ERN1: variants seen among roughly 807,000 people sequenced by gnomAD.
ERN1 encodes the protein endoplasmic reticulum to nucleus signaling 1.
ERN1 carries 39 observed loss-of-function variants against 113.1 expected under a neutral mutation model. That is an observed-to-expected ratio of 0.34 (90% confidence interval 0.27 to 0.45). ERN1 has a LOEUF of 0.45. ERN1 is among the 20% of genes least tolerant of loss of function. The probability of loss-of-function intolerance (pLI) is 1.00; values close to 1 mark genes in which losing one functional copy is unlikely to be tolerated. For missense variants in ERN1, 976 were observed against 1,274.8 expected (o/e 0.77, Z 3.57); for synonymous variants, 507 against 515.9 (o/e 0.98, Z 0.23).
At chr17:64,108,270 T>C (rs1213610997) in intron 1 of ERN1, among the ~76,000 whole-genome samples, 1 of 152,038 alleles carries the variant, frequency 6.6e-6, no homozygotes, top group African/African-American at 2.4e-5. Flanking sequence ...GCTAATTTCA[T>C]AATAGGTGAA....
rs1287613077 is a variant in ERN1 at position 64,071,110 on chromosome 17, G to C, written c.478+871C>G. On this transcript the variant is annotated intron_variant, in intron 6 of 21. Transcript: ENST00000433197. Reference sequence around the variant, plus strand: ...GGGAGGAAACACAAAATGGTGCGGTGAAGAGGGTGCAAGCCATGCCTGTCA... The same window carrying C: ...GGGAGGAAACACAAAATGGTGCGGTCAAGAGGGTGCAAGCCATGCCTGTCA... Among the ~76,000 whole-genome samples, 7 of 152,336 alleles carry C rather than the reference G, an allele frequency of 4.6e-5. No individual in the cohort carries two copies. In the East Asian group the frequency reaches 1.4e-3, roughly 29 times the overall value.
At position 64,055,757 on chromosome 17, in the gene ERN1, G is replaced by A. The variant is rs370744794; in HGVS notation, c.1590C>T (p.Pro530=). 556 of 1,610,544 alleles carry A rather than the reference G, an allele frequency of 3.5e-4. No homozygotes were observed. Among genetic ancestry groups the A allele is most frequent in the Non-Finnish European group, 4.4e-4 (521 of 1,178,802 alleles). ...SSGTSSPSTS[P]RASNHSLCSG... is the part of the protein sequence containing the mutation. ...AGCAGAGCGAGTGGTTGGAGGCCCT[G>A]GGGGACGTGCTGGGGCTGCTGGTGC... The change falls in exon 13 of 22, where the codon CCC becomes CCT. Residue 530 remains proline (P), a synonymous_variant. Coordinates refer to ENST00000433197, the MANE Select transcript of ERN1 (RefSeq NM_001433.5).
At position 64,071,840 on chromosome 17, in the gene ERN1, G is replaced by A; in HGVS notation, c.478+141C>T. 4.7e-6 allele frequency: 4 copies of A among 849,578 alleles called. No individual in the cohort carries two copies. The South Asian group carries it at 5.1e-5, about 11-fold the overall frequency. The allele number at this position is 849,578 out of a possible 1,614,324, so 52.6% of individuals were successfully genotyped here. A position where few individuals can be genotyped will look rare whatever the true frequency, so the allele number is the denominator to read the frequency against. On this transcript the variant is annotated intron_variant, in intron 6 of 21. Coordinates refer to ENST00000433197, the MANE Select transcript of ERN1 (RefSeq NM_001433.5). ...TTGCACACTGGGGGGACACTGAAGGGTCTTATAAAGGAAAATGACATGATG... is the reference window on the plus strand; with the variant it reads ...TTGCACACTGGGGGGACACTGAAGGATCTTATAAAGGAAAATGACATGATG...
chr17:64,092,256 G>A (rs961406171), intron 2 of ERN1, among the ~76,000 whole-genome samples: 1 of 152,238 alleles, frequency 6.6e-6, no homozygotes, highest in East Asian at 1.9e-4. Context: ...GGCATCAAGG[G>A]GGAAGTAGCA....
chr17:64,105,063 C>A (rs1394696984), intron 1 of ERN1, among the ~76,000 whole-genome samples: 2 of 152,186 alleles, frequency 1.3e-5, no homozygotes, highest in African/African-American at 4.8e-5. Context: ...GAGTCACACA[C>A]TTCTCAGGTG....
At chr17:64,124,102 T>C (rs1410736723) in intron 1 of ERN1, among the ~76,000 whole-genome samples, 4 of 152,056 alleles carry the variant, frequency 2.6e-5, no homozygotes, top group Non-Finnish European at 5.9e-5. Context: ...TAATAACGAG[T>C]ATCAGTGAGG....
chr17:64,114,384 T>C (rs1914751711), intron 1 of ERN1, among the ~76,000 whole-genome samples: 1 of 152,222 alleles, frequency 6.6e-6, no homozygotes, highest in South Asian at 2.1e-4. Context: ...GGTCTTGTGA[T>C]GGTGGGGGAA....
Position 64,055,926 on chromosome 17 carries a change from A to AGCT in ERN1, c.1418_1420dup (p.Gln473dup), listed in dbSNP as rs1567863651. 1 of 1,547,428 alleles carries AGCT rather than the reference A, an allele frequency of 6.5e-7. No individual in the cohort carries two copies. Among genetic ancestry groups the AGCT allele is most frequent in the African/African-American group, 1.4e-5 (1 of 72,996 alleles). On this transcript the variant is annotated inframe_insertion, in exon 13 of 22. Coordinates refer to ENST00000433197, the MANE Select transcript of ERN1 (RefSeq NM_001433.5). ...TTCCTTCTGGAACTGCTGGTGCTGG[A>AGCT]GCTGCTGCTGCTGATGCATGCTCTG...
chr17:64,053,584 A>G (rs951121474), intron 15 of ERN1, among the ~76,000 whole-genome samples: 2 of 152,228 alleles, frequency 1.3e-5, no homozygotes, highest in Non-Finnish European at 1.5e-5. Flanking sequence ...TCATTGCCTC[A>G]TATAAGTAAA....
chr17:64,078,855 A>G (rs1913679781), intron 4 of ERN1, among the ~76,000 whole-genome samples: 1 of 152,008 alleles, frequency 6.6e-6, no homozygotes, highest in South Asian at 2.1e-4. Flanking sequence ...AAATACAAAA[A>G]ATTAGCTGGG....
In ERN1 at chr17:64,079,105, G is replaced by A. The variant is rs565804093; in HGVS notation, c.282+557C>T. Among the ~76,000 whole-genome samples, 3 of 152,164 alleles carry A rather than the reference G, an allele frequency of 2.0e-5. No individual in the cohort carries two copies. The South Asian group carries it at 6.3e-4, about 32-fold the overall frequency. ...GCCTGTTTCTAAATTCTCTTATCTGGGGAGCTTTTAAAAAGTCCTGATGAC... is the reference window on the plus strand; with the variant it reads ...GCCTGTTTCTAAATTCTCTTATCTGAGGAGCTTTTAAAAAGTCCTGATGAC... On this transcript the variant is annotated intron_variant, in intron 4 of 21. Coordinates refer to ENST00000433197, the MANE Select transcript of ERN1 (RefSeq NM_001433.5).
At chr17:64,068,671 T>C (rs1023901277) in intron 6 of ERN1, among the ~76,000 whole-genome samples, 1 of 152,078 alleles carries the variant, frequency 6.6e-6, no homozygotes. Context: ...ACCTAAAACA[T>C]GTGGCATTGA....
chr17:64,075,187 T>C lies in ERN1; in HGVS notation c.343A>G (p.Ile115Val), dbSNP rs1326225864. 1.3e-6 allele frequency: 2 copies of C among 1,541,666 alleles called. No individual in the cohort carries two copies. Among genetic ancestry groups the C allele is most frequent in the South Asian group, 2.4e-5 (2 of 82,968 alleles). The change falls in exon 5 of 22, where the codon ATC (isoleucine) becomes GTC (valine). Residue 115 changes from isoleucine (I) to valine (V), a missense_variant. Physicochemically the swap from Ile to Val is conservative, Grantham distance 29. Transcript: ENST00000433197. ...QASPCRSSDGILYMGKKQDIW... is the reference protein window; with the variant it reads ...QASPCRSSDGVLYMGKKQDIW... Reference sequence around the variant, plus strand: ...CAGGAACTCTTACCCATGTAGAGGATTCCATCTGAACTTCGGCATGGGGAT... The same window carrying C: ...CAGGAACTCTTACCCATGTAGAGGACTCCATCTGAACTTCGGCATGGGGAT...
chr17:64,094,000 G>A (rs1479530659), intron 2 of ERN1, among the ~76,000 whole-genome samples: 1 of 152,218 alleles, frequency 6.6e-6, no homozygotes, highest in Non-Finnish European at 1.5e-5. Flanking sequence ...AGGGATGCTA[G>A]CGGTCCTGTA....
At chr17:64,062,954 C>T (rs1212562037) in intron 10 of ERN1, among the ~76,000 whole-genome samples, 1 of 151,878 alleles carries the variant, frequency 6.6e-6, no homozygotes, top group African/African-American at 2.4e-5. Context: ...ACCTGGTTTC[C>T]CCCCATAATA....
intron 18 of ERN1, among the ~76,000 whole-genome samples, chr17:64,048,782 A>G (rs1912590852): frequency 7.1e-6 from 1 of 140,886 alleles, no homozygotes; most frequent in South Asian, 2.6e-4. Context: ...GTAGAAAAAG[A>G]AGGTCTCCAA....
intron 4 of ERN1, among the ~76,000 whole-genome samples, chr17:64,077,128 T>C (rs937586669): frequency 2.0e-5 from 3 of 152,120 alleles, no homozygotes; most frequent in African/African-American, 7.2e-5. Context: ...GAAGGTGAAA[T>C]ACACACAGCT....
chr17:64,044,621 A>G lies in ERN1; in HGVS notation c.2721+239T>C, dbSNP rs1460969404. 1.3e-5 allele frequency among the ~76,000 whole-genome samples: 2 copies of G among 152,232 alleles called. No homozygotes were observed. The highest frequency in any genetic ancestry group is 2.9e-5 in the Non-Finnish European group (2 of 68,028). On this transcript the variant is annotated intron_variant, in intron 21 of 21. Transcript: ENST00000433197. This position sits in a 1 kb window ranked among gnomAD's most constrained non-coding sequence, Gnocchi z 4.1. ...CAAAAGTCAGCGACCAGAGACCATGAGGGACATGGGCCGCAGAGCACTGCT... is the reference window on the plus strand; with the variant it reads ...CAAAAGTCAGCGACCAGAGACCATGGGGGACATGGGCCGCAGAGCACTGCT...
At chr17:64,082,030 T>G (rs932849252) in intron 2 of ERN1, among the ~76,000 whole-genome samples, 9 of 152,214 alleles carry the variant, frequency 5.9e-5, no homozygotes, top group African/African-American at 2.2e-4. Context: ...TTACATGATT[T>G]TGTATGCAGA....
Sources: gnomAD v4.1 joint callset for allele counts (sites outside exome capture counted in the v4.1 genomes callset) on GRCh38, gnomAD v4.1.1 for gene constraint, Gnocchi (gnomAD v3.1) non-coding constraint, MANE v1.5 for transcripts, NCBI Gene and HGNC (gene_info 2026-07-23, HGNC 2026-07-21) for gene names.